A2ML1: variants seen among roughly 807,000 people sequenced by gnomAD.
The protein encoded by A2ML1 is alpha-2-macroglobulin-like protein 1.
Under a neutral mutation model 181.9 loss-of-function variants are expected in A2ML1, and 161 were observed. The observed-to-expected ratio is 0.89, with a 90% CI of 0.78 to 1.01. The LOEUF (loss-of-function observed/expected upper bound fraction) is 1.01, where lower values mean the gene tolerates loss of function less well. Ranked by LOEUF, A2ML1 falls within the 50% of genes least tolerant of loss-of-function variation. The probability of loss-of-function intolerance (pLI) is 0.00; values close to 1 mark genes in which losing one functional copy is unlikely to be tolerated. For synonymous variants in A2ML1, 663 were observed against 666.8 expected (o/e 0.99, Z 0.09); for missense variants, 1,670 against 1,768.1 (o/e 0.94, Z 1.00).
At chr12:8,849,023 A>G in intron 16 of A2ML1, 109 bp downstream of exon 16, 3 of 1,241,170 alleles carry the variant, frequency 2.4e-6, no homozygotes, top group South Asian at 1.6e-5. Context: ...ACTGATGGGA[A>G]CAAAATCTTG....
At chr12:8,876,848 T>C (rs1425904830), downstream of A2ML1, 1 of 152,204 alleles carries the variant, frequency 6.6e-6, no homozygotes, top group Admixed American at 6.5e-5. Context: ...GTGATGATCA[T>C]CCTTTCCCCC....
intron 3 of A2ML1, among the ~76,000 whole-genome samples, chr12:8,826,306 A>G (rs1387280121): frequency 3.3e-5 from 5 of 152,118 alleles, no homozygotes; most frequent in Admixed American, 6.6e-5. Context: ...AGTATTTTAT[A>G]GTTTTTATTG....
chr12:8,862,548 C>G (rs1327536971), intron 28 of A2ML1, among the ~76,000 whole-genome samples: 4 of 152,162 alleles, frequency 2.6e-5, no homozygotes, highest in Admixed American at 2.6e-4. Context: ...TATGACAGAT[C>G]TTGTAAATAA....
At chr12:8,873,615 T>G (rs1944702451) in intron 33 of A2ML1, among the ~76,000 whole-genome samples, 1 of 152,176 alleles carries the variant, frequency 6.6e-6, no homozygotes, top group Admixed American at 6.5e-5. Context: ...CACACATTTT[T>G]TTTCAGTAGT....
In A2ML1 at chr12:8,884,236, T is replaced by A. The variant is rs1341546509; in HGVS notation, c.*95-2271T>A. Among the ~76,000 whole-genome samples, 3 of 143,766 alleles carry A rather than the reference T, an allele frequency of 2.1e-5. No individual in the cohort carries two copies. In the East Asian group the frequency reaches 6.1e-4, roughly 29 times the overall value. 94.3% of individuals were successfully genotyped at this position (143,766 alleles called of 152,430 possible). On this transcript the variant is annotated intron_variant and NMD_transcript_variant, in intron 7 of 7. Coordinates refer to the A2ML1 transcript ENST00000537475. The stretch of plus-strand genomic sequence containing the variant: ...AATTCTTTTTTTTATTTTTTGTTTT[T>A]TTTTGTTTTGTTTTTTTTTAACTAT...
intron 22 of A2ML1, among the ~76,000 whole-genome samples, chr12:8,855,234 A>G (rs1365388328): frequency 1.3e-5 from 2 of 152,198 alleles, no homozygotes; most frequent in African/African-American, 4.8e-5. Flanking sequence ...GCATAGTACC[A>G]GAAGGAATAG....
chr12:8,843,721 CT>C (rs756360339), intron 12 of A2ML1, among the ~76,000 whole-genome samples: 2,362 of 133,532 alleles, frequency 0.018, 33 homozygotes, highest in African/African-American at 0.053. Context: ...CTTTTTTTTT[CT>C]TTTTTTTTTT....
chr12:8,862,581 C>T (rs1944304133), intron 28 of A2ML1, among the ~76,000 whole-genome samples: 1 of 152,218 alleles, frequency 6.6e-6, no homozygotes, highest in Non-Finnish European at 1.5e-5. Context: ...TTTCATTTAT[C>T]TGGCTGTGTA....
chr12:8,859,500 C>G (rs1944183482), intron 26 of A2ML1, among the ~76,000 whole-genome samples: 1 of 152,068 alleles, frequency 6.6e-6, no homozygotes, highest in Non-Finnish European at 1.5e-5. Context: ...AGTCTGAAAC[C>G]CTGTCTCTAC....
intron 9 of A2ML1, 56 bp from the exon 10 acceptor site, chr12:8,839,057 G>T: frequency 2.5e-6 from 3 of 1,193,474 alleles, no homozygotes; most frequent in Non-Finnish European, 3.6e-6. Flanking sequence ...GACATTAAAC[G>T]TGAAGATGAG....
In A2ML1 at chr12:8,857,226, G is replaced by T. The variant is rs754843337; in HGVS notation, c.2911G>T (p.Gly971Cys). The T allele has an allele frequency of 8.7e-6, 14 of 1,613,098 alleles. 1 individual carries two copies. In the South Asian group the frequency reaches 1.5e-4, roughly 18 times the overall value. ...TCTGGTGCAGATGCCCAGTGGCTGTGGCGAGCAGAACATGGTCTTGTTTGC... is the reference window on the plus strand; with the variant it reads ...TCTGGTGCAGATGCCCAGTGGCTGTTGCGAGCAGAACATGGTCTTGTTTGC... ...DGLVQMPSGC[G>C]EQNMVLFAPI... is the part of the protein sequence containing the mutation. Residue 971 changes from glycine to cysteine, a missense_variant, in exon 24 of 36, where the codon GGC becomes TGC. By Grantham distance (159) the Gly-to-Cys change is radical. Coordinates refer to ENST00000299698, the MANE Select transcript of A2ML1 (RefSeq NM_144670.6).
At chr12:8,833,366 A>G (rs568906759) in intron 4 of A2ML1, among the ~76,000 whole-genome samples, 40 of 152,228 alleles carry the variant, frequency 2.6e-4, no homozygotes, top group African/African-American at 9.1e-4. Context: ...TCCCTGTGTG[A>G]GAAAAGTACT....
At chr12:8,869,961 T>C (rs73047818) in intron 33 of A2ML1, among the ~76,000 whole-genome samples, 8,674 of 152,338 alleles carry the variant, frequency 0.057, 348 homozygotes, top group Non-Finnish European at 0.089. Context: ...ATAATGTTAA[T>C]ATTACTTAAT....
intron 7 of A2ML1, among the ~76,000 whole-genome samples, chr12:8,882,981 G>T (rs1163730345): frequency 1.3e-5 from 2 of 152,056 alleles, no homozygotes; most frequent in Admixed American, 1.3e-4. Flanking sequence ...CAGGAACACG[G>T]AACATTTGGT....
intron 33 of A2ML1, among the ~76,000 whole-genome samples, chr12:8,870,820 C>A (rs1389039680): frequency 6.6e-6 from 1 of 152,104 alleles, no homozygotes; most frequent in Non-Finnish European, 1.5e-5. Flanking sequence ...TGACACCATG[C>A]CTGAGACTGC....
intron 22 of A2ML1, among the ~76,000 whole-genome samples, chr12:8,855,217 G>T (rs901100764): frequency 1.3e-5 from 2 of 152,292 alleles, no homozygotes; most frequent in African/African-American, 4.8e-5. Context: ...TAGGCAAAAG[G>T]AGGAATGCAT....
intron 21 of A2ML1, 121 bp from the exon 22 acceptor site, chr12:8,854,659 T>C: frequency 9.8e-7 from 1 of 1,016,814 alleles, no homozygotes. Context: ...GAGAAGCTCT[T>C]GTCTGCAGTT....
In A2ML1 at chr12:8,857,343, A is replaced by G. The variant is rs547891207; in HGVS notation, c.3025+3A>G. On this transcript the variant is annotated splice_donor_region_variant and intron_variant, in intron 24 of 35. Coordinates refer to ENST00000299698, the MANE Select transcript of A2ML1 (RefSeq NM_144670.6). Reference sequence around the variant, plus strand: ...GGCAGTGGGTTTCCTGGAAATAGGTAAGTTGGTTCAGTCTTTCTTTCTTGA... The same window carrying G: ...GGCAGTGGGTTTCCTGGAAATAGGTGAGTTGGTTCAGTCTTTCTTTCTTGA... The G allele has an allele frequency of 9.9e-6, 16 of 1,613,898 alleles. No homozygotes were observed. The South Asian group carries it at 1.3e-4, about 13-fold the overall frequency.
downstream of A2ML1, among the ~76,000 whole-genome samples, chr12:8,877,706 AG>A (rs2137007222): frequency 6.6e-6 from 1 of 152,238 alleles, no homozygotes; most frequent in East Asian, 1.9e-4. Flanking sequence ...GAGGTAGCAG[AG>A]AAAAGGGAAT....
Sources: gnomAD v4.1 joint callset for allele counts (sites outside exome capture counted in the v4.1 genomes callset) on GRCh38, gnomAD v4.1.1 for gene constraint, MANE v1.5 for transcripts, NCBI Gene and HGNC (gene_info 2026-07-23, HGNC 2026-07-21) for gene names.